Variants in NIN observed in about 807,000 individuals in gnomAD.
NIN encodes the protein ninein.
In NIN, 137 loss-of-function variants were observed where a neutral mutation model predicts 257.6. The observed-to-expected ratio is 0.53, with a 90% CI of 0.46 to 0.61. The LOEUF is 0.61. Ranked by LOEUF, NIN falls within the 20% of genes least tolerant of loss-of-function variation. NIN has a pLI of 0.00. For missense variants in NIN, 2,439 were observed against 2,501.2 expected, an observed-to-expected ratio of 0.98 and a Z score of 0.53; for synonymous variants, 918 against 919.8, an observed-to-expected ratio of 1.00 and a Z score of 0.04.
chr14:50,824,129 T>C (rs974540130), intron 2 of NIN, among the ~76,000 whole-genome samples: 8 of 152,204 alleles, frequency 5.3e-5, no homozygotes, highest in African/African-American at 1.9e-4. Context: ...TGATTTTGCA[T>C]ATATGTTTAA....
chr14:50,742,005 G>A (rs2041307683), intron 24 of NIN: 3 of 322,098 alleles, frequency 9.3e-6, no homozygotes, highest in Non-Finnish European at 1.1e-5. Flanking sequence ...ATACCAATGG[G>A]TGCCAACTGG....
chr14:50,759,843 C>T lies in NIN; in HGVS notation c.2399+14G>A. ...TGGTGCCCCAGGTAGCTTCATTTCC[C>T]TTCACTTTCTTACCTTCCCTCCTGA... is the stretch of plus-strand genomic sequence containing the variant. On this transcript the variant is annotated intron_variant, in intron 17 of 30. Coordinates refer to ENST00000530997, the MANE Select transcript of NIN (RefSeq NM_020921.4). 1 of 1,588,538 alleles carries T rather than the reference C, an allele frequency of 6.3e-7. No homozygotes were observed. Among genetic ancestry groups the T allele is most frequent in the Non-Finnish European group, 8.5e-7 (1 of 1,170,356 alleles).
chr14:50,745,888 G>A (rs2041513471), intron 22 of NIN, among the ~76,000 whole-genome samples: 1 of 152,070 alleles, frequency 6.6e-6, no homozygotes, highest in Non-Finnish European at 1.5e-5. Flanking sequence ...TGCCTTCTAG[G>A]TCCACGTTGT....
chr14:50,754,974 A>T, intron 18 of NIN, 107 bp from the exon 19 acceptor site: 1 of 697,658 alleles, frequency 1.4e-6, no homozygotes, highest in Non-Finnish European at 2.4e-6. Flanking sequence ...GCCAGTTAAA[A>T]AGAAAAGTCT....
chr14:50,727,447 A>C (rs1261055986), intron 29 of NIN: 1 of 1,169,902 alleles, frequency 8.5e-7, no homozygotes, highest in African/African-American at 1.6e-5. Flanking sequence ...AAAGGGTATA[A>C]ATAAAATGAT....
In NIN at chr14:50,757,315, C is replaced by G; in HGVS notation, c.3715G>C (p.Glu1239Gln). The G allele has an allele frequency of 6.2e-7, 1 of 1,613,896 alleles. No homozygotes were observed. Among genetic ancestry groups the G allele is most frequent in the Non-Finnish European group, 8.5e-7 (1 of 1,179,958 alleles). Residue 1239 changes from glutamate to glutamine, a missense_variant, in exon 18 of 31, where the codon GAG becomes CAG. Glu to Gln is a conservative substitution (Grantham distance 29). Around this residue, in one of 3 missense-constraint regions of NIN, gnomAD observed 2,043 missense variants for 2,050.2 expected, o/e 1.00. Transcript: ENST00000530997. ...SVLKKKLKMLERIPEASPKYK... is the reference protein window; with the variant it reads ...SVLKKKLKMLQRIPEASPKYK... Reference sequence around the variant, plus strand: ...TTGGGAGAAGCCTCAGGGATTCTCTCAAGCATCTTCAGTTTCTTTTTTAGC... The same window carrying G: ...TTGGGAGAAGCCTCAGGGATTCTCTGAAGCATCTTCAGTTTCTTTTTTAGC...
chr14:50,752,531 C>G lies in NIN; in HGVS notation c.4937G>C (p.Arg1646Pro). ...TACAGGCCATACCTGCACTTTACAACGTTCCAGTTCTTCTTTCAGATTAAA... is the reference window on the plus strand; with the variant it reads ...TACAGGCCATACCTGCACTTTACAAGGTTCCAGTTCTTCTTTCAGATTAAA... The part of the protein sequence containing the change: ...EKFNLKEELE[R>P]CKVQSSTLVS... Residue 1646 changes from arginine to proline, a missense_variant, in exon 21 of 31, where the codon CGT becomes CCT. By Grantham distance (103) the Arg-to-Pro change is moderately radical. Around this residue, in one of 3 missense-constraint regions of NIN, gnomAD observed 2,043 missense variants for 2,050.2 expected, o/e 1.00. Transcript: ENST00000530997. The G allele has an allele frequency of 2.5e-6, 4 of 1,613,454 alleles. No individual in the cohort carries two copies. The South Asian group carries it at 4.4e-5, about 18-fold the overall frequency.
intron 28 of NIN, 124 bp downstream of exon 28, chr14:50,735,392 A>G (rs1422995704): frequency 2.2e-6 from 3 of 1,358,642 alleles, no homozygotes; most frequent in African/African-American, 1.5e-5. Flanking sequence ...AAAGAATTCA[A>G]CTTGGCAGTG....
At chr14:50,747,599 T>A (rs535002846) in intron 22 of NIN, among the ~76,000 whole-genome samples, 47 of 151,948 alleles carry the variant, frequency 3.1e-4, no homozygotes, top group Non-Finnish European at 5.1e-4. Context: ...CTGGGCGTGG[T>A]GATGGGCACC....
chr14:50,775,205 T>A (rs2042876468), intron 7 of NIN, among the ~76,000 whole-genome samples: 1 of 152,152 alleles, frequency 6.6e-6, no homozygotes, highest in African/African-American at 2.4e-5. Context: ...TCTCCTGATT[T>A]TTTTTTTCAA....
At chr14:50,728,973 T>C (rs1163413419) in intron 29 of NIN, among the ~76,000 whole-genome samples, 1 of 152,246 alleles carries the variant, frequency 6.6e-6, no homozygotes, top group Non-Finnish European at 1.5e-5. Context: ...GCTGCACGGC[T>C]CTGGCACAGG....
chr14:50,792,625 A>G (rs955631760), intron 5 of NIN, 87 bp downstream of exon 5: 379 of 1,445,396 alleles, frequency 2.6e-4, no homozygotes, highest in Non-Finnish European at 8.9e-5. Flanking sequence ...CGTGCCATCA[A>G]CCCCCTCAGC....
At chr14:50,799,010 T>A (rs1005414569) in intron 4 of NIN, among the ~76,000 whole-genome samples, 2 of 152,226 alleles carry the variant, frequency 1.3e-5, no homozygotes, top group African/African-American at 4.8e-5. Flanking sequence ...TCTTTTGACC[T>A]CGTGACCCAT....
intron 20 of NIN, among the ~76,000 whole-genome samples, chr14:50,754,081 C>G (rs2041917923): frequency 1.3e-5 from 2 of 152,224 alleles, no homozygotes; most frequent in African/African-American, 4.8e-5. Flanking sequence ...CTTTTTATAA[C>G]TGCATGTTGT....
In NIN at chr14:50,723,342, A is replaced by ATTAT; in HGVS notation, c.*120_*121insATAA. On this transcript the variant is annotated 3_prime_UTR_variant, in exon 31 of 31. Transcript: ENST00000530997. ...TATTTAGAAAAACTAATTATGATAA[A>ATTAT]TGGAAACTCCAGTTGTGTTGCTGGC... The ATTAT allele has an allele frequency of 1.4e-6, 1 of 735,606 alleles. No homozygotes were observed. Among genetic ancestry groups the ATTAT allele is most frequent in the Non-Finnish European group, 2.2e-6 (1 of 452,584 alleles). The allele number at this position is 735,606 out of a possible 1,614,324, so 45.6% of individuals were successfully genotyped here. A position where few individuals can be genotyped will look rare whatever the true frequency, so the allele number is the denominator to read the frequency against.
intron 5 of NIN, among the ~76,000 whole-genome samples, chr14:50,783,413 G>T (rs1363793545): frequency 6.6e-6 from 1 of 151,912 alleles, no homozygotes; most frequent in African/African-American, 2.4e-5. Context: ...ATTCCCCCTA[G>T]GACCCTTTGT....
At chr14:50,821,832 C>A in intron 3 of NIN, 42 bp downstream of exon 3, 1 of 1,550,450 alleles carries the variant, frequency 6.4e-7, no homozygotes, top group Non-Finnish European at 8.8e-7. Context: ...CGGCAGAAAC[C>A]GCACCCCACT....
chr14:50,755,666 TTTTTTTTTTTTTA>T lies in NIN; in HGVS notation c.4539-812_4539-800del, dbSNP rs1378677710. Reference sequence around the variant, plus strand: ...TTTGTCTCTTTTTTTTTTTTTTTTTTTTTTTTTTTTTTAAAAGAGACAGGGTCTCACTCTGTCA... The same window carrying T: ...TTTGTCTCTTTTTTTTTTTTTTTTTTAAAGAGACAGGGTCTCACTCTGTCA... On this transcript the variant is annotated intron_variant, in intron 18 of 30. Transcript: ENST00000530997. 6.0e-3 allele frequency among the ~76,000 whole-genome samples: 438 copies of T among 72,792 alleles called. 7 individuals are homozygous for T. Among genetic ancestry groups the T allele is most frequent in the African/African-American group, 0.02 (417 of 20,512 alleles). The allele number at this position is 72,792 out of a possible 152,430, so 47.8% of individuals were successfully genotyped here. A position where few individuals can be genotyped will look rare whatever the true frequency, so the allele number is the denominator to read the frequency against.
chr14:50,738,009 C>G (rs1436311121), intron 27 of NIN, 131 bp downstream of exon 27: 5 of 852,060 alleles, frequency 5.9e-6, no homozygotes, highest in Non-Finnish European at 5.4e-6. Context: ...GACAAGATAA[C>G]AGCATAAAGA....
Sources: gnomAD v4.1 joint callset for allele counts (sites outside exome capture counted in the v4.1 genomes callset) on GRCh38, gnomAD v4.1.1 for gene constraint, gnomAD v4.1.1 regional missense constraint, MANE v1.5 for transcripts, NCBI Gene and HGNC (gene_info 2026-07-23, HGNC 2026-07-21) for gene names.